Variants in ADAMTSL1 observed in about 807,000 individuals in gnomAD.
The protein encoded by ADAMTSL1 is ADAMTS-like protein 1.
Under a neutral mutation model 201.8 loss-of-function variants are expected in ADAMTSL1, and 126 were observed. The observed-to-expected ratio is 0.62, with a 90% CI of 0.54 to 0.72. ADAMTSL1 has a LOEUF of 0.72. Ranked by LOEUF, ADAMTSL1 falls within the 30% of genes least tolerant of loss-of-function variation. The pLI is 0.00. For missense variants in ADAMTSL1, 2,679 were observed against 2,277.8 expected (o/e 1.18, Z -3.59); for synonymous variants, 1,121 against 903.4 (o/e 1.24, Z -4.32).
intron 2 of ADAMTSL1, among the ~76,000 whole-genome samples, chr9:18,531,524 A>T (rs1278173943): frequency 2.0e-5 from 3 of 152,094 alleles, no homozygotes; most frequent in African/African-American, 7.2e-5. Context: ...TCTATTTTTA[A>T]TGCATAGTAA....
At chr9:18,598,376 C>A (rs1824407668) in intron 4 of ADAMTSL1, among the ~76,000 whole-genome samples, 1 of 152,182 alleles carries the variant, frequency 6.6e-6, no homozygotes, top group East Asian at 1.9e-4. Context: ...GCTCTTTAAT[C>A]TGAATGAAGT....
chr9:18,194,204 C>T lies in ADAMTSL1; in HGVS notation c.207+30223C>T, dbSNP rs1023116992. On this transcript the variant is annotated intron_variant, in intron 2 of 29. Coordinates refer to the ADAMTSL1 transcript ENST00000680146. ...GATGACCTTAGTCTCCTCCTTTGAC[C>T]GTGGGGGGAGAAAAAAGCATATTAA... Among the ~76,000 whole-genome samples the T allele has an allele frequency of 2.2e-4, 33 of 151,976 alleles. 1 individual carries two copies. Among genetic ancestry groups the T allele is most frequent in the Middle Eastern group, 6.8e-3 (2 of 294 alleles).
Position 18,777,255 on chromosome 9 carries a change from A to C in ADAMTSL1, c.3026A>C (p.Glu1009Ala). ...NGIFSNGSKA[E>A]KRGLAANPGS... ...ATCTTCTCCAACGGCAGCAAGGCGGAGAAGCGGGGCCTGGCCGCCAACCCG... is the reference window on the plus strand; with the variant it reads ...ATCTTCTCCAACGGCAGCAAGGCGGCGAAGCGGGGCCTGGCCGCCAACCCG... Residue 1009 changes from glutamate to alanine, a missense_variant, in exon 19 of 29, where the codon GAG becomes GCG. Transcript: ENST00000380548. 1 of 1,611,842 alleles carries C rather than the reference A, an allele frequency of 6.2e-7. No individual in the cohort carries two copies. The highest frequency in any genetic ancestry group is 8.5e-7 in the Non-Finnish European group (1 of 1,179,452).
intron 1 of ADAMTSL1, among the ~76,000 whole-genome samples, chr9:17,929,327 C>T (rs1253883734): frequency 1.3e-5 from 2 of 152,178 alleles, no homozygotes; most frequent in Admixed American, 1.3e-4. Flanking sequence ...ACTCCCCCAC[C>T]CCCATGAAAT....
chr9:18,405,325 T>C (rs1244852124), intron 2 of ADAMTSL1, among the ~76,000 whole-genome samples: 1 of 152,186 alleles, frequency 6.6e-6, no homozygotes, highest in African/African-American at 2.4e-5. Flanking sequence ...TTTACGTAGA[T>C]AGAAGGCAAC....
At position 18,839,444 on chromosome 9, in the gene ADAMTSL1, G is replaced by C. The variant is rs184995932; in HGVS notation, c.4249+9467G>C. 1.6e-4 allele frequency among the ~76,000 whole-genome samples: 25 copies of C among 152,226 alleles called. 1 individual carries two copies. The East Asian group carries it at 2.7e-3, about 16-fold the overall frequency. On this transcript the variant is annotated intron_variant, in intron 23 of 28. Coordinates refer to ENST00000380548, the MANE Select transcript of ADAMTSL1 (RefSeq NM_001040272.6). ...AATCCAGTCTATCGTTGTTGGACATGTGGCTTGGTTCCATGTCTTTGCTAT... is the reference window on the plus strand; with the variant it reads ...AATCCAGTCTATCGTTGTTGGACATCTGGCTTGGTTCCATGTCTTTGCTAT...
intron 1 of ADAMTSL1, among the ~76,000 whole-genome samples, chr9:18,013,242 C>T (rs1820127436): frequency 6.6e-6 from 1 of 151,998 alleles, no homozygotes; most frequent in South Asian, 2.1e-4. Flanking sequence ...AGCACTTTCA[C>T]ATATTTTGTA....
At chr9:18,369,320 A>C in intron 2 of ADAMTSL1, among the ~76,000 whole-genome samples, 1 of 152,208 alleles carries the variant, frequency 6.6e-6, no homozygotes, top group East Asian at 1.9e-4. Context: ...GGATATCACA[A>C]TTGTATCTAT....
intron 2 of ADAMTSL1, among the ~76,000 whole-genome samples, chr9:18,365,017 C>T (rs1836706638): frequency 6.6e-6 from 1 of 152,108 alleles, no homozygotes; most frequent in South Asian, 2.1e-4. Flanking sequence ...AGTGGGGACA[C>T]AGAACCAAAC....
At chr9:18,789,929 T>C (rs1821926345) in intron 19 of ADAMTSL1, among the ~76,000 whole-genome samples, 1 of 152,208 alleles carries the variant, frequency 6.6e-6, no homozygotes, top group South Asian at 2.1e-4. Context: ...AGTCCTGTGT[T>C]GAGGCCTACA....
intron 3 of ADAMTSL1, among the ~76,000 whole-genome samples, 173 bp downstream of exon 3, chr9:18,533,465 A>G (rs116425471): frequency 0.015 from 2,349 of 152,290 alleles, 43 homozygotes; most frequent in African/African-American, 0.048. Flanking sequence ...GTTCCTCATT[A>G]TAGACTTTTA....
chr9:18,793,297 C>G (rs1822169805), intron 19 of ADAMTSL1: 1 of 152,262 alleles, frequency 6.6e-6, no homozygotes. Context: ...AGGCCAAAAG[C>G]TGAGCTGAGG....
At chr9:18,586,915 C>T (rs934769889) in intron 4 of ADAMTSL1, among the ~76,000 whole-genome samples, 2 of 151,954 alleles carry the variant, frequency 1.3e-5, no homozygotes, top group African/African-American at 4.8e-5. Context: ...GGAACTGGAC[C>T]CCTTCCTTAT....
At chr9:18,736,924 C>T (rs575633482) in intron 15 of ADAMTSL1, among the ~76,000 whole-genome samples, 49 of 152,230 alleles carry the variant, frequency 3.2e-4, no homozygotes, top group African/African-American at 1.2e-3. Context: ...CAAAACCCTC[C>T]TCTGTAAGCA....
intron 2 of ADAMTSL1, among the ~76,000 whole-genome samples, chr9:18,468,039 C>A (rs1821071928): frequency 6.6e-6 from 1 of 152,102 alleles, no homozygotes; most frequent in Non-Finnish European, 1.5e-5. Context: ...AATATTACAA[C>A]CATAATTCAA....
chr9:18,591,389 A>G (rs1823904672), intron 4 of ADAMTSL1, among the ~76,000 whole-genome samples: 1 of 151,812 alleles, frequency 6.6e-6, no homozygotes, highest in South Asian at 2.1e-4. Context: ...CCATCCCTTC[A>G]CTTTCAGTTT....
intron 2 of ADAMTSL1, among the ~76,000 whole-genome samples, chr9:18,267,779 AAC>A (rs1832185679): frequency 2.0e-5 from 3 of 150,432 alleles, no homozygotes; most frequent in East Asian, 1.9e-4. Flanking sequence ...AAAAAACAAA[AAC>A]AAAAACAAAA....
At chr9:18,700,755 T>G (rs1044657859) in intron 13 of ADAMTSL1, among the ~76,000 whole-genome samples, 1 of 152,214 alleles carries the variant, frequency 6.6e-6, no homozygotes, top group African/African-American at 2.4e-5. Flanking sequence ...GAATTACTTA[T>G]GACATATTTT....
chr9:18,606,454 A>G (rs1346619829), intron 4 of ADAMTSL1, among the ~76,000 whole-genome samples: 1 of 152,132 alleles, frequency 6.6e-6, no homozygotes, highest in Non-Finnish European at 1.5e-5. Context: ...TCCCTCAAAA[A>G]CCATTTCTCT....
Sources: gnomAD v4.1 joint callset for allele counts (sites outside exome capture counted in the v4.1 genomes callset) on GRCh38, gnomAD v4.1.1 for gene constraint, MANE v1.5 for transcripts, NCBI Gene and HGNC (gene_info 2026-07-23, HGNC 2026-07-21) for gene names.